Variants in FARP2 observed in about 807,000 individuals in gnomAD.
FARP2 encodes FERM, ARH/RhoGEF and pleckstrin domain protein 2, also known as FERM, ARHGEF and pleckstrin domain-containing protein 2.
Under a neutral mutation model 130.5 loss-of-function variants are expected in FARP2, and 111 were observed. The ratio of observed to expected loss-of-function variants is 0.85; its 90% CI spans 0.73 to 1.00. The LOEUF (loss-of-function observed/expected upper bound fraction) is 1.00, where lower values mean the gene tolerates loss of function less well. FARP2 is among the 50% of genes least tolerant of loss of function. The probability of loss-of-function intolerance (pLI) is 0.00; values close to 1 mark genes in which losing one functional copy is unlikely to be tolerated. For missense variants in FARP2, 1,385 were observed against 1,346.3 expected (o/e 1.03, Z -0.45); for synonymous variants, 504 against 516.9 (o/e 0.98, Z 0.34).
intron 2 of FARP2, among the ~76,000 whole-genome samples, chr2:241,381,697 A>G (rs1035545997): frequency 2.0e-5 from 3 of 152,208 alleles, no homozygotes; most frequent in African/African-American, 7.2e-5. Flanking sequence ...CTGATGGTAG[A>G]ATTACAGTGA....
At chr2:241,435,270 GT>G (rs774760964) in intron 11 of FARP2, among the ~76,000 whole-genome samples, 30 of 132,734 alleles carry the variant, frequency 2.3e-4, no homozygotes, top group East Asian at 6.5e-4. Flanking sequence ...AGTTTTTTTT[GT>G]TTTTTTTTTT....
At chr2:241,404,346 G>A (rs1157373218) in intron 3 of FARP2, among the ~76,000 whole-genome samples, 1 of 152,168 alleles carries the variant, frequency 6.6e-6, no homozygotes, top group Non-Finnish European at 1.5e-5. Context: ...AAGCATGTCA[G>A]CGTTATTAAG....
chr2:241,479,514 C>T (rs1414791448), intron 19 of FARP2, among the ~76,000 whole-genome samples: 1 of 152,260 alleles, frequency 6.6e-6, no homozygotes, highest in Admixed American at 6.5e-5. Flanking sequence ...ATCACTACTT[C>T]TGAGTGCCGT....
At chr2:241,479,203 T>C (rs740314) in intron 19 of FARP2, among the ~76,000 whole-genome samples, 121,778 of 152,146 alleles carry the variant, frequency 0.8, 48,901 homozygotes, top group East Asian at 0.95. Context: ...AGGAGCATTC[T>C]GGCCAGGTGG....
chr2:241,422,076 C>G (rs1265483939), intron 8 of FARP2, among the ~76,000 whole-genome samples: 1 of 151,858 alleles, frequency 6.6e-6, no homozygotes, highest in Non-Finnish European at 1.5e-5. Context: ...CACGGGGAGG[C>G]AGAGGTTGCA....
Position 241,484,291 on chromosome 2 carries a change from A to G in FARP2, c.2381A>G (p.His794Arg), listed in dbSNP as rs1331169645. 1.2e-6 allele frequency: 2 copies of G among 1,614,048 alleles called. No homozygotes were observed. Among genetic ancestry groups the G allele is most frequent in the Non-Finnish European group, 1.7e-6 (2 of 1,180,018 alleles). ...YTSKGVAGTSHFRIRGLLPLQ... is the reference protein window; with the variant it reads ...YTSKGVAGTSRFRIRGLLPLQ... ...AGCAAAGGAGTTGCAGGGACCAGCC[A>G]CTTCCGGATCCGGGGCCTCCTTCCC... The change falls in exon 21 of 27, where the codon CAC (histidine) becomes CGC (arginine). Residue 794 changes from histidine (H) to arginine (R), a missense_variant. Transcript: ENST00000264042.
rs745402014 is a variant in FARP2 at position 241,403,860 on chromosome 2, A to G, written c.216A>G (p.Gln72=). The G allele has an allele frequency of 3.1e-6, 5 of 1,613,754 alleles. No individual in the cohort carries two copies. The highest frequency in any genetic ancestry group is 4.2e-6 in the Non-Finnish European group (5 of 1,179,692). The change falls in exon 3 of 27, where the codon CAA becomes CAG. Residue 72 remains glutamine, a synonymous_variant. Transcript: ENST00000264042. ...PKCDGQVLLT[Q]VWKRLNLVEC... ...GCGATGGCCAGGTATTACTGACACAAGTGTGGAAGCGTTTAAACCTGGTAG... is the reference window on the plus strand; with the variant it reads ...GCGATGGCCAGGTATTACTGACACAGGTGTGGAAGCGTTTAAACCTGGTAG...
At chr2:241,473,525 G>T (rs964082571) in intron 18 of FARP2, among the ~76,000 whole-genome samples, 2 of 152,220 alleles carry the variant, frequency 1.3e-5, no homozygotes, top group Non-Finnish European at 2.9e-5. Flanking sequence ...GGTCCAAAAT[G>T]TGTCCTGAGC....
At chr2:241,446,136 TTA>T (rs1476987576) in intron 13 of FARP2, 4 of 152,248 alleles carry the variant, frequency 2.6e-5, no homozygotes, top group African/African-American at 4.8e-5. Context: ...AGTAGCACAG[TTA>T]TATGTTAATA....
In FARP2 at chr2:241,468,145, T is replaced by C; in HGVS notation, c.1899T>C (p.Phe633=). 1 of 1,611,520 alleles carries C rather than the reference T, an allele frequency of 6.2e-7. No individual in the cohort carries two copies. The highest frequency in any genetic ancestry group is 2.2e-5 in the East Asian group (1 of 44,878). Residue 633 remains phenylalanine, a synonymous_variant, in exon 18 of 27, where the codon TTT becomes TTC. Transcript: ENST00000264042. ...LLRNMRQLKE[F]TSYFQRHDEV... ...CCACTCTTGCGCCTCCACAGGAGTT[T>C]ACCAGCTACTTCCAAAGACATGACG...
chr2:241,404,845 A>G lies in FARP2; in HGVS notation c.331+4A>G. The G allele has an allele frequency of 1.2e-6, 2 of 1,607,014 alleles. No homozygotes were observed. The highest frequency in any genetic ancestry group is 1.7e-6 in the Non-Finnish European group (2 of 1,173,760). ...CCCATCATTAGGCAAATACGAAGTA[A>G]GTCCTTGGTTTGACTCTTTAAAATC... On this transcript the variant is annotated splice_donor_region_variant and intron_variant, in intron 4 of 26. Transcript: ENST00000264042.
intron 19 of FARP2, chr2:241,478,363 G>A (rs892103103): frequency 3.7e-5 from 7 of 191,134 alleles, no homozygotes; most frequent in Non-Finnish European, 7.5e-5. Context: ...CAGGGCTGGC[G>A]GGGGCGACCT....
chr2:241,464,456 G>A (rs997251944), intron 17 of FARP2, among the ~76,000 whole-genome samples: 1 of 150,348 alleles, frequency 6.7e-6, no homozygotes, highest in Non-Finnish European at 1.5e-5. Context: ...TCAAAACAGG[G>A]GCCCCCTCAG....
chr2:241,366,177 G>A (rs912047912), intron 1 of FARP2, among the ~76,000 whole-genome samples: 36 of 102,074 alleles, frequency 3.5e-4, no homozygotes, highest in Non-Finnish European at 6.3e-4. Context: ...TTTTAACAGA[G>A]GTTAGCATGC....
chr2:241,378,416 A>ATTT (rs10692211), intron 2 of FARP2, among the ~76,000 whole-genome samples: 8 of 107,700 alleles, frequency 7.4e-5, no homozygotes, highest in African/African-American at 1.8e-4. Context: ...TGCCTGGCCT[A>ATTT]TTTTTTTTTT....
At chr2:241,489,170 G>A (rs1350058498) in intron 21 of FARP2, 1 of 152,224 alleles carries the variant, frequency 6.6e-6, no homozygotes, top group Admixed American at 6.5e-5. Context: ...TGGTGTATCA[G>A]GCTCTGCACA....
chr2:241,448,228 C>T (rs2063556869), intron 13 of FARP2, among the ~76,000 whole-genome samples: 1 of 152,120 alleles, frequency 6.6e-6, no homozygotes, highest in African/African-American at 2.4e-5. Flanking sequence ...GACCATCACC[C>T]TCCTGGTCCT....
chr2:241,415,375 C>G (rs374983358), intron 7 of FARP2, among the ~76,000 whole-genome samples: 1 of 152,150 alleles, frequency 6.6e-6, no homozygotes, highest in Non-Finnish European at 1.5e-5. Context: ...CAGCAGGAAA[C>G]GGTCACTGGT....
intron 21 of FARP2, chr2:241,488,420 T>G (rs1166578031): frequency 6.7e-6 from 1 of 149,944 alleles, no homozygotes; most frequent in Non-Finnish European, 1.5e-5. Flanking sequence ...TTTTTGGTTT[T>G]TTTTTTTTTT....
Sources: allele counts gnomAD v4.1 joint callset (sites outside exome capture counted in the v4.1 genomes callset), GRCh38; gene constraint gnomAD v4.1.1; transcripts MANE v1.5; gene names NCBI Gene and HGNC (gene_info 2026-07-23, HGNC 2026-07-21).